RABGEF1: variants seen among roughly 807,000 people sequenced by gnomAD.
RABGEF1 encodes the protein RAB guanine nucleotide exchange factor 1, also known as rab5 GDP/GTP exchange factor.
RABGEF1 carries 26 observed loss-of-function variants against 57.3 expected under a neutral mutation model. The observed-to-expected ratio is 0.45, with a 90% CI of 0.33 to 0.63. RABGEF1 has a LOEUF of 0.63. Among genes scored for constraint, RABGEF1 ranks in the 20% least tolerant of loss-of-function variants. The pLI, the probability that RABGEF1 is intolerant of heterozygous loss-of-function variation, is 0.02. For synonymous variants in RABGEF1, 185 were observed against 210.7 expected (o/e 0.88, Z 1.06); for missense variants, 464 against 607.6 (o/e 0.76, Z 2.48).
chr7:66,695,213 G>GAGGT (rs1443801044), intron 1 of RABGEF1, among the ~76,000 whole-genome samples: 4 of 151,962 alleles, frequency 2.6e-5, no homozygotes, highest in African/African-American at 7.3e-5. Flanking sequence ...CCAGGAGGCT[G>GAGGT]AGGTAGGTCA....
intron 1 of RABGEF1, among the ~76,000 whole-genome samples, chr7:66,755,292 TC>T (rs1802438511): frequency 1.0e-3 from 1 of 978 alleles, no homozygotes; most frequent in South Asian, 0.014. Context: ...AGACTCTGTC[TC>T]AAAAAAAAAA....
chr7:66,799,624 C>T (rs931127655), intron 7 of RABGEF1, among the ~76,000 whole-genome samples: 55 of 152,040 alleles, frequency 3.6e-4, no homozygotes, highest in Non-Finnish European at 6.3e-4. Flanking sequence ...ATTATGGTCT[C>T]GTTTCTTGGG....
At chr7:66,761,398 A>G (rs1804314901) in intron 1 of RABGEF1, among the ~76,000 whole-genome samples, 1 of 152,216 alleles carries the variant, frequency 6.6e-6, no homozygotes, top group South Asian at 2.1e-4. Flanking sequence ...GGTGGTTTAC[A>G]GAACTCAGGG....
chr7:66,664,038 C>T, the RABGEF1 span, among the ~76,000 whole-genome samples: 1 of 147,418 alleles, frequency 6.8e-6, no homozygotes. Context: ...TGTGCTACTG[C>T]ACTCGAGCCT....
At chr7:66,658,736 CT>C in the RABGEF1 span, among the ~76,000 whole-genome samples, 2 of 151,858 alleles carry the variant, frequency 1.3e-5, no homozygotes, top group Non-Finnish European at 2.9e-5. Flanking sequence ...GAAATACTTT[CT>C]TTTTTTTGTT....
At chr7:66,697,114 G>A (rs1212370256) in intron 1 of RABGEF1, among the ~76,000 whole-genome samples, 1 of 152,200 alleles carries the variant, frequency 6.6e-6, no homozygotes, top group Non-Finnish European at 1.5e-5. Flanking sequence ...TCATGGTGGT[G>A]AGGGTGGAGG....
chr7:66,654,751 T>A, the RABGEF1 span: 2 of 152,550 alleles, frequency 1.3e-5, no homozygotes, highest in Non-Finnish European at 2.9e-5. Context: ...CTGGGGCAGT[T>A]GCGCGTCGGT....
At position 66,707,074 on chromosome 7, in the gene RABGEF1, C is replaced by T. The variant is rs1394447729; in HGVS notation, c.-872-5093C>T. 5.3e-5 allele frequency among the ~76,000 whole-genome samples: 8 copies of T among 152,280 alleles called. No homozygotes were observed. The South Asian group carries it at 1.0e-3, about 20-fold the overall frequency. ...TGCTGGGATTATAGGCGTGAGCCAC[C>T]GCGCCCGGCCCGTACTGGTTATTTT... On this transcript the variant is annotated intron_variant and NMD_transcript_variant, in intron 1 of 9. Coordinates refer to the RABGEF1 transcript ENST00000607882.
At chr7:66,775,669 C>CT (rs2129124030) in intron 3 of RABGEF1, among the ~76,000 whole-genome samples, 1 of 152,312 alleles carries the variant, frequency 6.6e-6, no homozygotes, top group Admixed American at 6.5e-5. Context: ...ATCCAAATGA[C>CT]TATCTCTTTG....
upstream of RABGEF1, among the ~76,000 whole-genome samples, chr7:66,737,436 AC>A (rs1798125667): frequency 6.8e-6 from 1 of 146,858 alleles, no homozygotes; most frequent in African/African-American, 2.6e-5. Context: ...GCAATACGAG[AC>A]TGGGTAGGGG....
chr7:66,661,915 C>T, the RABGEF1 span, among the ~76,000 whole-genome samples: 19 of 152,264 alleles, frequency 1.2e-4, 1 homozygote, highest in East Asian at 3.3e-3. Flanking sequence ...CTGGTAATCC[C>T]AGCACTTTGG....
chr7:66,681,652 C>T (rs537668422), upstream of RABGEF1, among the ~76,000 whole-genome samples: 18 of 152,332 alleles, frequency 1.2e-4, no homozygotes, highest in South Asian at 3.7e-3. Flanking sequence ...GATCCTCCTG[C>T]CTGGGCCTCC....
chr7:66,715,103 C>T (rs1310696708), intron 2 of RABGEF1, among the ~76,000 whole-genome samples: 1 of 151,646 alleles, frequency 6.6e-6, no homozygotes, highest in Admixed American at 6.6e-5. Flanking sequence ...TCCTCTCCTC[C>T]TCCTCCAACT....
At chr7:66,749,069 G>A (rs1800850781) in intron 1 of RABGEF1, 1 of 155,448 alleles carries the variant, frequency 6.4e-6, no homozygotes, top group African/African-American at 2.4e-5. Context: ...CCCAGTGTAT[G>A]TCTGACAGGG....
intron 1 of RABGEF1, among the ~76,000 whole-genome samples, chr7:66,683,448 C>CT (rs1026261347): frequency 1.3e-5 from 2 of 152,146 alleles, no homozygotes; most frequent in African/African-American, 4.8e-5. Context: ...ATTTAATGAC[C>CT]TTTCCAATCA....
At chr7:66,737,916 C>CA (rs1388566022), upstream of RABGEF1, among the ~76,000 whole-genome samples, 1 of 152,188 alleles carries the variant, frequency 6.6e-6, no homozygotes, top group Non-Finnish European at 1.5e-5. Context: ...CAGATATTTG[C>CA]ATAGCAGCAC....
chr7:66,753,509 A>T (rs1309156764), intron 1 of RABGEF1, among the ~76,000 whole-genome samples: 1 of 152,150 alleles, frequency 6.6e-6, no homozygotes, highest in Non-Finnish European at 1.5e-5. Flanking sequence ...AAAGTGAGTC[A>T]CACAAATTTT....
rs79110215 is a variant in RABGEF1, at chr7:66,804,757, G to A, written c.821-383G>A. ...CAGTCTGAAAAAAAAAAAAAAAAAA[G>A]TGTGGGCTTTACAGTCAGGTAGACA... On this transcript the variant is annotated intron_variant, in intron 7 of 8. Transcript: ENST00000284957. Among the ~76,000 whole-genome samples the A allele has an allele frequency of 6.4e-4, 88 of 138,402 alleles. 1 individual carries two copies. Among genetic ancestry groups the A allele is most frequent in the East Asian group, 2.0e-3 (8 of 4,038 alleles). The allele number at this position is 138,402 out of a possible 152,430, so 90.8% of individuals were successfully genotyped here.
intron 2 of RABGEF1, among the ~76,000 whole-genome samples, chr7:66,715,299 T>TA (rs1170921427): frequency 6.6e-6 from 1 of 152,104 alleles, no homozygotes; most frequent in Non-Finnish European, 1.5e-5. Flanking sequence ...GGCTAATTTT[T>TA]AAAAAAATTT....
Sources: gnomAD v4.1 joint callset for allele counts (sites outside exome capture counted in the v4.1 genomes callset) on GRCh38, gnomAD v4.1.1 for gene constraint, MANE v1.5 for transcripts, NCBI Gene and HGNC (gene_info 2026-07-23, HGNC 2026-07-21) for gene names.